Variants in SLC4A10 observed in about 807,000 individuals in gnomAD.
SLC4A10 encodes sodium-driven chloride bicarbonate exchanger.
Under a neutral mutation model 137.7 loss-of-function variants are expected in SLC4A10, and 42 were observed. The ratio of observed to expected loss-of-function variants is 0.30; its 90% CI spans 0.24 to 0.39. SLC4A10 has a LOEUF of 0.39. Ranked by LOEUF, SLC4A10 falls within the 10% of genes least tolerant of loss-of-function variation. The pLI is 1.00. For missense variants in SLC4A10, 925 were observed against 1,355.0 expected (o/e 0.68, Z 4.98); for synonymous variants, 474 against 464.1 (o/e 1.02, Z -0.27).
At chr2:161,873,833 C>T (rs2061297119) in intron 7 of SLC4A10, 83 bp from the exon 8 acceptor site, 30 of 1,332,266 alleles carry the variant, frequency 2.3e-5, no homozygotes, top group Non-Finnish European at 3.1e-5. Context: ...GATCTAGTTA[C>T]GTGCATGCTC....
intron 6 of SLC4A10, among the ~76,000 whole-genome samples, chr2:161,869,087 T>C (rs1282850430): frequency 6.6e-6 from 1 of 151,720 alleles, no homozygotes; most frequent in Non-Finnish European, 1.5e-5. Flanking sequence ...CACACATATA[T>C]GAGTGCTAAA....
At position 161,942,885 on chromosome 2, in the gene SLC4A10, C is replaced by T. The variant is rs1312868002; in HGVS notation, c.2091C>T (p.Asn697=). The T allele has an allele frequency of 6.3e-7, 1 of 1,592,898 alleles. No individual in the cohort carries two copies. Among genetic ancestry groups the T allele is most frequent in the Non-Finnish European group, 8.6e-7 (1 of 1,168,772 alleles). ...NISASDIIWE[N]LTVSECKSLH... ...CTGCCTCTGACATAATTTGGGAGAA[C>T]CTAACTGTGTCAGTAAGTAAAACAC... is the stretch of plus-strand genomic sequence containing the variant. The change falls in exon 16 of 27, where the codon AAC becomes AAT. Residue 697 remains asparagine (N), a synonymous_variant. Transcript: ENST00000446997.
intron 12 of SLC4A10, among the ~76,000 whole-genome samples, chr2:161,903,751 G>T (rs533004951): frequency 6.6e-6 from 1 of 152,166 alleles, no homozygotes; most frequent in Non-Finnish European, 1.5e-5. Flanking sequence ...TTGGTAAACA[G>T]CTCTGAACCT....
chr2:161,729,073 A>G (rs538430331), intron 1 of SLC4A10, among the ~76,000 whole-genome samples: 1 of 152,250 alleles, frequency 6.6e-6, no homozygotes, highest in African/African-American at 2.4e-5. Flanking sequence ...ACCCCTCAAA[A>G]CCTACAGTTA....
chr2:161,786,171 A>T (rs1221523433), intron 2 of SLC4A10, among the ~76,000 whole-genome samples: 2 of 151,830 alleles, frequency 1.3e-5, no homozygotes, highest in East Asian at 1.9e-4. Context: ...TCATTATATA[A>T]TGTTATTCTT....
chr2:161,867,682 C>T (rs193223048), intron 6 of SLC4A10, among the ~76,000 whole-genome samples: 65 of 151,990 alleles, frequency 4.3e-4, no homozygotes, highest in African/African-American at 1.4e-3. Context: ...AATTTTTCTC[C>T]GAGTTTAATT....
At chr2:161,782,325 A>G (rs1225485661) in intron 2 of SLC4A10, among the ~76,000 whole-genome samples, 7 of 152,016 alleles carry the variant, frequency 4.6e-5, no homozygotes. Context: ...TTGAACAAGC[A>G]TGAGGTTTAA....
chr2:161,854,752 C>CT, intron 4 of SLC4A10, among the ~76,000 whole-genome samples: 1 of 151,952 alleles, frequency 6.6e-6, no homozygotes, highest in South Asian at 2.1e-4. Flanking sequence ...ATGAGTTTTC[C>CT]TTTTTTTCAA....
intron 1 of SLC4A10, among the ~76,000 whole-genome samples, chr2:161,631,932 G>A (rs2033634906): frequency 6.6e-6 from 1 of 151,708 alleles, no homozygotes; most frequent in Non-Finnish European, 1.5e-5. Context: ...CAAAGTCCCT[G>A]TACCAACATC....
intron 1 of SLC4A10, among the ~76,000 whole-genome samples, chr2:161,758,764 C>T (rs2049940174): frequency 6.6e-6 from 1 of 151,858 alleles, no homozygotes; most frequent in South Asian, 2.1e-4. Flanking sequence ...CTATCCTCAT[C>T]CCCTTCTTAC....
At chr2:161,783,517 G>A (rs1559239981) in intron 2 of SLC4A10, among the ~76,000 whole-genome samples, 1 of 151,890 alleles carries the variant, frequency 6.6e-6, no homozygotes, top group Non-Finnish European at 1.5e-5. Flanking sequence ...AAGTAAAAAA[G>A]TTAAAAGACA....
chr2:161,932,531 C>T (rs1690592020), intron 15 of SLC4A10, among the ~76,000 whole-genome samples: 1 of 152,150 alleles, frequency 6.6e-6, no homozygotes, highest in Admixed American at 6.5e-5. Context: ...ACCTCGGTAT[C>T]TTCATTAAGT....
Position 161,965,092 on chromosome 2 carries a change from G to A in SLC4A10, c.3078G>A (p.Leu1026=). The change falls in exon 23 of 27, where the codon TTG becomes TTA. Residue 1026 remains leucine (L), a synonymous_variant. Coordinates refer to ENST00000446997, the MANE Select transcript of SLC4A10 (RefSeq NM_001178015.2). ...TTGTAAGAAAGTTGATGGACTTGTT[G>A]TTCACGAAGCGGGAACTCAGCTGGT... is the stretch of plus-strand genomic sequence containing the variant. The part of the protein sequence containing the change: ...LVFVRKLMDL[L]FTKRELSWLD... 6.2e-7 allele frequency: 1 copy of A among 1,612,586 alleles called. No homozygotes were observed. The highest frequency in any genetic ancestry group is 8.5e-7 in the Non-Finnish European group (1 of 1,179,018).
intron 1 of SLC4A10, among the ~76,000 whole-genome samples, chr2:161,689,852 T>C (rs1207606195): frequency 1.3e-5 from 2 of 152,156 alleles, no homozygotes; most frequent in Non-Finnish European, 2.9e-5. Context: ...GTTCACCTTG[T>C]CTTTTGGTGC....
intron 1 of SLC4A10, among the ~76,000 whole-genome samples, chr2:161,645,832 T>C (rs2035956067): frequency 6.6e-6 from 1 of 152,062 alleles, no homozygotes; most frequent in African/African-American, 2.4e-5. Context: ...GAGGGATGTT[T>C]GGAAACTTCC....
intron 2 of SLC4A10, among the ~76,000 whole-genome samples, chr2:161,788,093 C>T (rs2053822269): frequency 6.7e-6 from 1 of 150,320 alleles, no homozygotes; most frequent in African/African-American, 2.5e-5. Context: ...TCTTTTTTCC[C>T]TTGAGGGTAT....
intron 1 of SLC4A10, among the ~76,000 whole-genome samples, chr2:161,758,655 T>C (rs2049928252): frequency 6.6e-6 from 1 of 151,976 alleles, no homozygotes; most frequent in Non-Finnish European, 1.5e-5. Context: ...CACTGTGTAG[T>C]ATTCTGATAT....
chr2:161,660,556 A>ATTTCTTCC (rs1553479717), intron 1 of SLC4A10, among the ~76,000 whole-genome samples: 11 of 110,368 alleles, frequency 1.0e-4, no homozygotes, highest in Non-Finnish European at 1.1e-4. Context: ...ACTCATCTAT[A>ATTTCTTCC]TTTCTTTCTT....
At chr2:161,923,371 T>C (rs1688487290) in intron 15 of SLC4A10, among the ~76,000 whole-genome samples, 1 of 152,206 alleles carries the variant, frequency 6.6e-6, no homozygotes, top group Non-Finnish European at 1.5e-5. Context: ...TGCTTTATGA[T>C]TGTTGGACTT....
Sources: allele counts gnomAD v4.1 joint callset (sites outside exome capture counted in the v4.1 genomes callset), GRCh38; gene constraint gnomAD v4.1.1; transcripts MANE v1.5; gene names NCBI Gene and HGNC (gene_info 2026-07-23, HGNC 2026-07-21).